The following TBC1D14 variants were observed in gnomAD, a reference collection of about 807,000 sequenced individuals.
The protein encoded by TBC1D14 is TBC1 domain family member 14.
In TBC1D14, 26 loss-of-function variants were observed where a neutral mutation model predicts 79.0. The ratio of observed to expected loss-of-function variants is 0.33; its 90% CI spans 0.24 to 0.46. The LOEUF is 0.46. Ranked by LOEUF, TBC1D14 falls within the 20% of genes least tolerant of loss-of-function variation. The pLI is 1.00. For synonymous variants in TBC1D14, 394 were observed against 349.9 expected, an observed-to-expected ratio of 1.13 and a Z score of -1.40; for missense variants, 769 against 887.6, an observed-to-expected ratio of 0.87 and a Z score of 1.70.
Position 7,025,175 on chromosome 4 carries a change from C to T in TBC1D14, c.1929C>T (p.Thr643=). Residue 643 remains threonine, a synonymous_variant, in exon 13 of 14, where the codon ACC becomes ACT. Transcript: ENST00000409757. ...TCATTCACATGGCCCAGTTCCTGACCCGGCTGCCCGAGGACCTGCCCGCCG... is the reference window on the plus strand; with the variant it reads ...TCATTCACATGGCCCAGTTCCTGACTCGGCTGCCCGAGGACCTGCCCGCCG... ...MDFIHMAQFL[T]RLPEDLPAEE... is the part of the protein sequence containing the mutation. 1 of 1,614,218 alleles carries T rather than the reference C, an allele frequency of 6.2e-7. No individual in the cohort carries two copies. The highest frequency in any genetic ancestry group is 8.5e-7 in the Non-Finnish European group (1 of 1,180,050).
At chr4:6,966,332 C>G (rs1715694018) in intron 2 of TBC1D14, among the ~76,000 whole-genome samples, 1 of 152,094 alleles carries the variant, frequency 6.6e-6, no homozygotes, top group Admixed American at 6.5e-5. Context: ...ACAGTGCATT[C>G]CAAAATTTTA....
chr4:7,027,502 A>G (rs1398890040), intron 13 of TBC1D14, among the ~76,000 whole-genome samples: 2 of 133,732 alleles, frequency 1.5e-5, no homozygotes, highest in Admixed American at 1.5e-4. Flanking sequence ...TCACACCCCT[A>G]CACCTCACAC....
Position 6,923,897 on chromosome 4 carries a change from C to T in TBC1D14, c.508C>T (p.Leu170=), listed in dbSNP as rs770455544. The change falls in exon 2 of 14, where the codon CTG becomes TTG. Residue 170 remains leucine, a synonymous_variant. Coordinates refer to ENST00000409757, the MANE Select transcript of TBC1D14 (RefSeq NM_020773.3). ...SSLGTELSTT[L]SVSNEDILDL... is the part of the protein sequence containing the mutation. ...TCTTGGGACAGAGCTGTCCACCACGCTGTCCGTCAGCAATGAGGACATCTT... is the reference window on the plus strand; with the variant it reads ...TCTTGGGACAGAGCTGTCCACCACGTTGTCCGTCAGCAATGAGGACATCTT... The T allele has an allele frequency of 3.7e-6, 6 of 1,614,042 alleles. No individual in the cohort carries two copies. The Admixed American group carries it at 6.7e-5, about 18-fold the overall frequency.
chr4:6,994,303 G>GT lies in TBC1D14; in HGVS notation c.962+2dup. On this transcript the variant is annotated splice_donor_variant, in intron 4 of 13. Transcript: ENST00000409757. LOFTEE classifies it high-confidence loss of function. ...CACTCATCCTCGAGGACAGACCAGC[G>GT]TGAGTTTAAGAAGACTCTCTTTAGA... 2 of 1,613,080 alleles carry GT rather than the reference G, an allele frequency of 1.2e-6. No homozygotes were observed. The highest frequency in any genetic ancestry group is 1.7e-6 in the Non-Finnish European group (2 of 1,179,068).
chr4:6,982,236 A>G (rs868039611), intron 3 of TBC1D14, among the ~76,000 whole-genome samples: 9 of 152,266 alleles, frequency 5.9e-5, no homozygotes, highest in South Asian at 2.1e-4. Flanking sequence ...ATGCCTTTCA[A>G]TGAATGGATG....
intron 3 of TBC1D14, among the ~76,000 whole-genome samples, chr4:6,982,818 A>G (rs1717496836): frequency 1.3e-5 from 2 of 152,198 alleles, no homozygotes; most frequent in Non-Finnish European, 2.9e-5. Context: ...CACTATTTGT[A>G]TAGTGTGGTC....
rs1015753855 is a variant in TBC1D14 at position 7,031,611 on chromosome 4, T to G, written c.*1219T>G. ...ATCCAAAATCACAGAAATGAACCGT[T>G]TTGCAGCTGCGCAGTCTAAAGGGCA... On this transcript the variant is annotated 3_prime_UTR_variant, in exon 14 of 14. Coordinates refer to ENST00000409757, the MANE Select transcript of TBC1D14 (RefSeq NM_020773.3). 6.6e-6 allele frequency: 1 copy of G among 152,202 alleles called. No individual in the cohort carries two copies. Among genetic ancestry groups the G allele is most frequent in the Non-Finnish European group, 1.5e-5 (1 of 68,046 alleles). The allele number at this position is 152,202 out of a possible 1,614,324, so 9.4% of individuals were successfully genotyped here. A position where few individuals can be genotyped will look rare whatever the true frequency, so the allele number is the denominator to read the frequency against.
Position 6,927,629 on chromosome 4 carries a change from C to T in TBC1D14, c.722+3518C>T, listed in dbSNP as rs148054012. On this transcript the variant is annotated intron_variant, in intron 2 of 13. Coordinates refer to ENST00000409757, the MANE Select transcript of TBC1D14 (RefSeq NM_020773.3). ...CAAGAGCAGGGTCTCTCCCACTGGC[C>T]GATGTTTTGGGGTAGATGCGTCTTT... Among the ~76,000 whole-genome samples the T allele has an allele frequency of 3.8e-3, 581 of 152,272 alleles. 13 individuals carry two copies. The highest frequency in any genetic ancestry group is 0.032 in the Admixed American group (490 of 15,288).
chr4:7,013,612 T>C (rs540131669), intron 11 of TBC1D14, among the ~76,000 whole-genome samples: 84 of 152,334 alleles, frequency 5.5e-4, no homozygotes, highest in African/African-American at 1.9e-3. Context: ...TTCCCTGTAG[T>C]GTTTCCCCCT....
chr4:6,996,403 G>A lies in TBC1D14; in HGVS notation c.1041G>A (p.Lys347=), dbSNP rs759483541. The A allele has an allele frequency of 3.7e-6, 6 of 1,613,046 alleles. No individual in the cohort carries two copies. Among genetic ancestry groups the A allele is most frequent in the Non-Finnish European group, 3.4e-6 (4 of 1,179,138 alleles). Residue 347 remains lysine, a synonymous_variant, in exon 5 of 14, where the codon AAG becomes AAA. Coordinates refer to ENST00000409757, the MANE Select transcript of TBC1D14 (RefSeq NM_020773.3). The stretch of plus-strand genomic sequence containing the variant: ...AAGAAATGGTGGTTCAGGCCAAAAA[G>A]CGAGGTAATGGGGTTCACACTTGAT... The part of the protein sequence containing the change: ...QYEEMVVQAK[K]RELKEAQRRK...
intron 2 of TBC1D14, 77 bp from the exon 3 acceptor site, chr4:6,967,227 T>TA (rs1289125925): frequency 3.2e-6 from 5 of 1,554,256 alleles, no homozygotes; most frequent in Non-Finnish European, 4.3e-6. Context: ...GACTTGTTTT[T>TA]ATTAGAGTGG....
intron 2 of TBC1D14, among the ~76,000 whole-genome samples, chr4:6,930,760 T>C (rs1711645647): frequency 1.3e-5 from 2 of 150,376 alleles, no homozygotes; most frequent in African/African-American, 2.5e-5. Context: ...ATAGTGCCAT[T>C]GCACTCCAGG....
intron 3 of TBC1D14, 67 bp downstream of exon 3, chr4:6,967,491 C>G: frequency 1.3e-6 from 2 of 1,554,568 alleles, no homozygotes; most frequent in South Asian, 1.2e-5. Context: ...ATGAACCTTG[C>G]AAAAATGACC....
intron 12 of TBC1D14, 152 bp downstream of exon 12, chr4:7,014,709 C>T (rs954102214): frequency 1.6e-6 from 1 of 612,870 alleles, no homozygotes; most frequent in Non-Finnish European, 2.9e-6. Flanking sequence ...GTTTTATTTC[C>T]ATCAGTGCCT....
intron 3 of TBC1D14, among the ~76,000 whole-genome samples, chr4:6,974,921 G>T (rs1716580494): frequency 6.6e-6 from 1 of 151,696 alleles, no homozygotes; most frequent in South Asian, 2.1e-4. Context: ...GTTTTGTTTT[G>T]TTTTGTTTGA....
At chr4:6,964,400 C>G (rs1478268518) in intron 2 of TBC1D14, among the ~76,000 whole-genome samples, 5 of 152,210 alleles carry the variant, frequency 3.3e-5, no homozygotes, top group Non-Finnish European at 7.3e-5. Context: ...GTCCCGGATC[C>G]TGGTGCCTTC....
At chr4:6,980,905 C>T (rs560424223) in intron 3 of TBC1D14, among the ~76,000 whole-genome samples, 92 of 151,146 alleles carry the variant, frequency 6.1e-4, no homozygotes, top group Non-Finnish European at 8.7e-4. Context: ...TTAGTAGAGA[C>T]GGGGTTTCAC....
intron 2 of TBC1D14, among the ~76,000 whole-genome samples, chr4:6,953,023 CTTTT>C (rs371101904): frequency 1.3e-4 from 14 of 107,112 alleles, no homozygotes; most frequent in Admixed American, 8.8e-4. Context: ...TTTTTTCTTT[CTTTT>C]TTTTTTTTTT....
intron 11 of TBC1D14, among the ~76,000 whole-genome samples, chr4:7,013,557 A>G (rs1720979186): frequency 6.6e-6 from 1 of 152,184 alleles, no homozygotes; most frequent in African/African-American, 2.4e-5. Context: ...ACCGTTGGAA[A>G]GCAAGTTCCA....
Sources: gnomAD v4.1 joint callset for allele counts (sites outside exome capture counted in the v4.1 genomes callset) on GRCh38, gnomAD v4.1.1 for gene constraint, MANE v1.5 for transcripts, NCBI Gene and HGNC (gene_info 2026-07-23, HGNC 2026-07-21) for gene names.